Variants in TAB1 observed in about 807,000 individuals in gnomAD.
TAB1 encodes TGF-beta activated kinase 1 (MAP3K7) binding protein 1, also known as TGF-beta-activated kinase 1 and MAP3K7-binding protein 1.
In TAB1, 30 loss-of-function variants were observed where a neutral mutation model predicts 54.5. The ratio of observed to expected loss-of-function variants is 0.55; its 90% CI spans 0.41 to 0.75. TAB1 has a LOEUF of 0.75. TAB1 is among the 30% of genes least tolerant of loss of function. The pLI, the probability that TAB1 is intolerant of heterozygous loss-of-function variation, is 0.00. For missense variants in TAB1, 609 were observed against 683.2 expected, an observed-to-expected ratio of 0.89 and a Z score of 1.21; for synonymous variants, 289 against 286.9, an observed-to-expected ratio of 1.01 and a Z score of -0.07.
chr22:39,416,651 G>A (rs1926845212), intron 3 of TAB1, 140 bp from the exon 4 acceptor site: 4 of 783,808 alleles, frequency 5.1e-6, no homozygotes, highest in Non-Finnish European at 8.8e-6. Context: ...CCAGAGGCAG[G>A]ACTGACATGT....
chr22:39,434,016 G>T (rs1927688447), downstream of TAB1, among the ~76,000 whole-genome samples: 1 of 152,186 alleles, frequency 6.6e-6, no homozygotes, highest in African/African-American at 2.4e-5. Context: ...AGCCAGGCAC[G>T]CAGCAGCCCC....
chr22:39,428,630 G>T (rs528030149), intron 10 of TAB1, among the ~76,000 whole-genome samples: 1 of 152,162 alleles, frequency 6.6e-6, no homozygotes, highest in African/African-American at 2.4e-5. Flanking sequence ...GCCTGAGGGG[G>T]ATGCGGCCAG....
downstream of TAB1, among the ~76,000 whole-genome samples, chr22:39,434,237 G>A (rs891786819): frequency 2.0e-5 from 3 of 152,234 alleles, no homozygotes; most frequent in East Asian, 1.9e-4. Context: ...AGCGTTAGCC[G>A]AGATGTCCAC....
At chr22:39,416,265 G>A (rs534724641) in intron 3 of TAB1, among the ~76,000 whole-genome samples, 3 of 152,314 alleles carry the variant, frequency 2.0e-5, no homozygotes, top group African/African-American at 7.2e-5. Context: ...TCTCACACAG[G>A]GGGAGAAGGT....
At chr22:39,400,888 G>C (rs1926106453) in intron 1 of TAB1, among the ~76,000 whole-genome samples, 1 of 151,968 alleles carries the variant, frequency 6.6e-6, no homozygotes, top group South Asian at 2.1e-4. Flanking sequence ...ACAAAAATTA[G>C]CCGAGCGTGG....
intron 8 of TAB1, among the ~76,000 whole-genome samples, chr22:39,424,962 G>A (rs181439498): frequency 2.9e-4 from 44 of 152,184 alleles, no homozygotes; most frequent in African/African-American, 1.0e-3. Context: ...CTGCCCTCCT[G>A]CCCCGCCCAA....
chr22:39,401,976 C>T (rs1379455223), intron 1 of TAB1, among the ~76,000 whole-genome samples: 3 of 152,158 alleles, frequency 2.0e-5, no homozygotes, highest in Admixed American at 6.5e-5. Context: ...ACCCTCACTG[C>T]GTTTGTAGAT....
intron 1 of TAB1, among the ~76,000 whole-genome samples, chr22:39,411,283 A>T (rs1334266175): frequency 6.6e-6 from 1 of 152,226 alleles, no homozygotes; most frequent in Non-Finnish European, 1.5e-5. Context: ...AGCATGAACC[A>T]TGAAAGAGAA....
chr22:39,435,541 G>A (rs777189823), downstream of TAB1, among the ~76,000 whole-genome samples: 1 of 152,200 alleles, frequency 6.6e-6, no homozygotes, highest in Non-Finnish European at 1.5e-5. Context: ...GGAAAAGCAA[G>A]CACAGACCAG....
intron 9 of TAB1, among the ~76,000 whole-genome samples, chr22:39,427,536 C>T (rs1203745130): frequency 6.6e-6 from 1 of 152,244 alleles, no homozygotes; most frequent in Admixed American, 6.5e-5. Context: ...CTAAGACCTT[C>T]GGTTCCTGAG....
chr22:39,417,769 C>T lies in TAB1; in HGVS notation c.470C>T (p.Thr157Met), dbSNP rs368216070. Residue 157 changes from threonine (T) to methionine (M), a missense_variant, in exon 5 of 11, where the codon ACG (threonine) becomes ATG (methionine). Thr to Met is a moderately conservative substitution (Grantham distance 81). Coordinates refer to ENST00000216160, the MANE Select transcript of TAB1 (RefSeq NM_006116.3). Reference protein sequence around the residue: ...QYQKILERLKTLEREISGGAM... With the variant: ...QYQKILERLKMLEREISGGAM... ...CAGAAGATCCTTGAGAGACTCAAGA[C>T]GTTAGAGAGGGAAATTTCGGGAGGG... 1.2e-5 allele frequency: 20 copies of T among 1,613,384 alleles called. No homozygotes were observed. Among genetic ancestry groups the T allele is most frequent in the South Asian group, 8.8e-5 (8 of 90,896 alleles).
At chr22:39,405,567 A>G (rs1926325773) in intron 1 of TAB1, among the ~76,000 whole-genome samples, 1 of 150,656 alleles carries the variant, frequency 6.6e-6, no homozygotes, top group African/African-American at 2.5e-5. Flanking sequence ...TGGTGCTGGC[A>G]GGCCTGGCAT....
intron 1 of TAB1, among the ~76,000 whole-genome samples, chr22:39,413,074 C>A (rs554278361): frequency 2.6e-4 from 40 of 151,946 alleles, no homozygotes; most frequent in African/African-American, 8.7e-4. Context: ...GCCACCACAC[C>A]CGGCTAGTTT....
In TAB1 at chr22:39,426,818, G is replaced by A; in HGVS notation, c.1037G>A (p.Gly346Glu). ...CACAGCGACACCTTCGCCAGTGGTG[G>A]GGAGCGTGCCAGGTTCTGCCCCCGG... ...RIHSDTFASG[G>E]ERARFCPRHE... Residue 346 changes from glycine to glutamate, a missense_variant, in exon 9 of 11, where the codon GGG becomes GAG. Physicochemically the swap from Gly to Glu is moderately conservative, Grantham distance 98. Transcript: ENST00000216160. 1.2e-6 allele frequency: 2 copies of A among 1,613,928 alleles called. No individual in the cohort carries two copies. Among genetic ancestry groups the A allele is most frequent in the African/African-American group, 2.7e-5 (2 of 75,078 alleles).
rs923822950 is a variant in TAB1 at position 39,430,787 on chromosome 22, A to G, written c.*565A>G. ...GTTGTGTCATCTGTTGTAAACGTTCAGGAGGACCAGGGCAGCATCTGGGGC... is the reference window on the plus strand; with the variant it reads ...GTTGTGTCATCTGTTGTAAACGTTCGGGAGGACCAGGGCAGCATCTGGGGC... On this transcript the variant is annotated 3_prime_UTR_variant, in exon 11 of 11. Transcript: ENST00000216160. 8.0e-6 allele frequency: 8 copies of G among 995,998 alleles called. No individual in the cohort carries two copies. In the African/African-American group the frequency reaches 1.4e-4, roughly 17 times the overall value. The allele number at this position is 995,998 out of a possible 1,614,324, so 61.7% of individuals were successfully genotyped here. A position where few individuals can be genotyped will look rare whatever the true frequency, so the allele number is the denominator to read the frequency against.
Position 39,421,929 on chromosome 22 carries a change from C to G in TAB1, c.879C>G (p.Tyr293Ter). The stretch of plus-strand genomic sequence containing the variant: ...TGGTGCTGATGTCGGAGGGGTTGTA[C>G]AAGGCCCTAGAGGCAGCCCATGGGC... ...GFLVLMSEGL[Y>*]KALEAAHGPG... Residue 293 changes from tyrosine (Y) to a stop codon, truncating the protein, a stop_gained, in exon 8 of 11, where the codon TAC (tyrosine) becomes TAG (stop). Coordinates refer to ENST00000216160, the MANE Select transcript of TAB1 (RefSeq NM_006116.3). LOFTEE classifies it high-confidence loss of function. 3 of 1,608,350 alleles carry G rather than the reference C, an allele frequency of 1.9e-6. No homozygotes were observed. Among genetic ancestry groups the G allele is most frequent in the Non-Finnish European group, 2.5e-6 (3 of 1,177,310 alleles).
chr22:39,427,864 G>C (rs1332276139), intron 9 of TAB1, among the ~76,000 whole-genome samples, 157 bp from the exon 10 acceptor site: 1 of 152,172 alleles, frequency 6.6e-6, no homozygotes, highest in Admixed American at 6.5e-5. Context: ...TGTCCCAAGG[G>C]GCAGGGGGCC....
chr22:39,429,407 G>C, intron 10 of TAB1: 1 of 975,014 alleles, frequency 1.0e-6, no homozygotes, highest in Middle Eastern at 5.3e-4. Context: ...GGGAGTGCTC[G>C]CGTGGGTGCT....
At position 39,415,522 on chromosome 22, in the gene TAB1, T is replaced by C; in HGVS notation, c.193T>C (p.Tyr65His). The change falls in exon 3 of 11, where the codon TAT (tyrosine) becomes CAT (histidine). Residue 65 changes from tyrosine (Y) to histidine (H), a missense_variant. Physicochemically the swap from Tyr to His is moderately conservative, Grantham distance 83. Transcript: ENST00000216160. This position sits in a 1 kb window ranked among gnomAD's most constrained non-coding sequence, Gnocchi z 4.9. ...KFRSENNCFL[Y>H]GVFNGYDGNR... is the part of the protein sequence containing the mutation. ...CAGGAGTGAGAACAACTGCTTCCTG[T>C]ATGGGGTCTTCAACGGCTATGATGG... 1 of 1,614,100 alleles carries C rather than the reference T, an allele frequency of 6.2e-7. No homozygotes were observed. The highest frequency in any genetic ancestry group is 8.5e-7 in the Non-Finnish European group (1 of 1,179,978).
Sources: allele counts gnomAD v4.1 joint callset (sites outside exome capture counted in the v4.1 genomes callset), GRCh38; gene constraint gnomAD v4.1.1; non-coding constraint Gnocchi (gnomAD v3.1); transcripts MANE v1.5; gene names NCBI Gene and HGNC (gene_info 2026-07-23, HGNC 2026-07-21).